Variants in CSMD1 observed in about 807,000 individuals in gnomAD.
CSMD1 encodes CUB and Sushi multiple domains 1, also known as CUB and sushi domain-containing protein 1.
CSMD1 carries 213 observed loss-of-function variants against 417.5 expected under a neutral mutation model. The ratio of observed to expected loss-of-function variants is 0.51; its 90% CI spans 0.46 to 0.57. The LOEUF (loss-of-function observed/expected upper bound fraction) is 0.57, where lower values mean the gene tolerates loss of function less well. Ranked by LOEUF, CSMD1 falls within the 20% of genes least tolerant of loss-of-function variation. The probability of loss-of-function intolerance (pLI) is 0.00; values close to 1 mark genes in which losing one functional copy is unlikely to be tolerated. For missense variants in CSMD1, 6,923 were observed against 4,529.7 expected, an observed-to-expected ratio of 1.53 and a Z score of -15.17; for synonymous variants, 2,862 against 1,736.8, an observed-to-expected ratio of 1.65 and a Z score of -16.11.
At chr8:4,525,679 C>T (rs1232572694) in intron 2 of CSMD1, among the ~76,000 whole-genome samples, 2 of 152,134 alleles carry the variant, frequency 1.3e-5, no homozygotes, top group African/African-American at 2.4e-5. Context: ...TTTGCACCAA[C>T]CTAAAAAATA....
intron 5 of CSMD1, among the ~76,000 whole-genome samples, chr8:3,893,474 G>C (rs899597397): frequency 6.6e-6 from 1 of 150,804 alleles, no homozygotes. Flanking sequence ...AAAGGATAAA[G>C]CAAAAGCAAA....
rs141166840 is a variant in CSMD1, at chr8:4,765,938, G to C, written c.86-128380C>G. ...AAAAGGGTTTGAAGAATCGAGCTTA[G>C]CTAATTCCACATAGTTTCCAAACAT... is the stretch of plus-strand genomic sequence containing the variant. On this transcript the variant is annotated intron_variant, in intron 1 of 69. Transcript: ENST00000635120. Among the ~76,000 whole-genome samples, 5 of 152,184 alleles carry C rather than the reference G, an allele frequency of 3.3e-5. No individual in the cohort carries two copies. In the South Asian group the frequency reaches 8.3e-4, roughly 25 times the overall value.
chr8:4,340,970 A>C (rs964486502), intron 3 of CSMD1, among the ~76,000 whole-genome samples: 1 of 152,086 alleles, frequency 6.6e-6, no homozygotes, highest in African/African-American at 2.4e-5. Context: ...GGTTTATTTC[A>C]AGCTGATGGA....
chr8:4,338,735 C>G (rs755878703), intron 3 of CSMD1, among the ~76,000 whole-genome samples: 6 of 151,910 alleles, frequency 3.9e-5, no homozygotes, highest in Non-Finnish European at 5.9e-5. Flanking sequence ...TTTTTTTCGC[C>G]TAATTCATAA....
At chr8:4,328,242 ATTTT>A (rs3067534) in intron 3 of CSMD1, among the ~76,000 whole-genome samples, 6,816 of 124,612 alleles carry the variant, frequency 0.055, 132 homozygotes, top group South Asian at 0.15. Context: ...ACTCAATACA[ATTTT>A]TTTTTTTTTT....
chr8:3,878,347 G>C (rs1365322135), intron 5 of CSMD1, among the ~76,000 whole-genome samples: 1 of 152,066 alleles, frequency 6.6e-6, no homozygotes, highest in South Asian at 2.1e-4. Flanking sequence ...TCTTACACGT[G>C]TATCTTCTTT....
intron 2 of CSMD1, among the ~76,000 whole-genome samples, chr8:4,440,135 G>C (rs532602693): frequency 6.6e-5 from 10 of 152,244 alleles, no homozygotes; most frequent in African/African-American, 9.6e-5. Context: ...TGCAGCTTTG[G>C]TGTAAATTTC....
intron 15 of CSMD1, among the ~76,000 whole-genome samples, chr8:3,405,626 A>G (rs1318171441): frequency 6.6e-6 from 1 of 151,406 alleles, no homozygotes; most frequent in Non-Finnish European, 1.5e-5. Context: ...GGGACCCCCA[A>G]TCCAATATGA....
intron 2 of CSMD1, among the ~76,000 whole-genome samples, chr8:4,571,156 G>T (rs562549381): frequency 1.3e-5 from 2 of 152,030 alleles, no homozygotes; most frequent in Non-Finnish European, 2.9e-5. Context: ...GTTCTGCTCT[G>T]ATCTTAGTTA....
intron 3 of CSMD1, among the ~76,000 whole-genome samples, chr8:4,110,319 C>T (rs945853230): frequency 2.0e-5 from 3 of 152,108 alleles, no homozygotes; most frequent in Non-Finnish European, 2.9e-5. Flanking sequence ...TTCCCAGGAA[C>T]TTGTGAATTT....
At chr8:4,974,515 T>C (rs1267849495) in intron 1 of CSMD1, among the ~76,000 whole-genome samples, 1 of 115,246 alleles carries the variant, frequency 8.7e-6, no homozygotes, top group Non-Finnish European at 2.1e-5. Flanking sequence ...GAAAATTATT[T>C]TTAACATAAT....
chr8:3,691,977 C>G (rs183717516), intron 7 of CSMD1, among the ~76,000 whole-genome samples: 7 of 152,290 alleles, frequency 4.6e-5, no homozygotes, highest in Non-Finnish European at 1.5e-5. Context: ...GAATGACGGT[C>G]TTTGTCCAGC....
At chr8:4,691,472 C>T (rs1306603832) in intron 1 of CSMD1, among the ~76,000 whole-genome samples, 1 of 152,176 alleles carries the variant, frequency 6.6e-6, no homozygotes, top group South Asian at 2.1e-4. Flanking sequence ...ATTGATGGAA[C>T]TCTCCGCCTG....
At chr8:4,775,693 G>T (rs1465011535) in intron 1 of CSMD1, among the ~76,000 whole-genome samples, 1 of 152,106 alleles carries the variant, frequency 6.6e-6, no homozygotes, top group Non-Finnish European at 1.5e-5. Flanking sequence ...CTGGACCAAG[G>T]CAGCGTCTGT....
chr8:3,227,346 C>T (rs1003155840), intron 27 of CSMD1, among the ~76,000 whole-genome samples: 4 of 151,786 alleles, frequency 2.6e-5, no homozygotes, highest in African/African-American at 4.8e-5. Flanking sequence ...TGCAGTGAGT[C>T]GAAATCATGC....
chr8:3,878,006 C>G (rs1805944901), intron 5 of CSMD1, among the ~76,000 whole-genome samples: 2 of 151,414 alleles, frequency 1.3e-5, no homozygotes, highest in Non-Finnish European at 1.5e-5. Flanking sequence ...AATGATAAAA[C>G]TTTCCAAAGA....
In CSMD1 at chr8:3,493,673, C is replaced by T; in HGVS notation, c.1398G>A (p.Leu466=). ...CCACCTTCCCAGCATCACCAACCGT[C>T]AGGGTGTCATAGCCTCGCTCCAGCT... The part of the protein sequence containing the change: ...EFELERGYDT[L]TVGDAGKVGD... The change falls in exon 11 of 70, where the codon CTG becomes CTA. Residue 466 remains leucine, a synonymous_variant. Transcript: ENST00000635120. 6.2e-7 allele frequency: 1 copy of T among 1,612,108 alleles called. No homozygotes were observed. Among genetic ancestry groups the T allele is most frequent in the East Asian group, 2.2e-5 (1 of 44,792 alleles).
intron 1 of CSMD1, among the ~76,000 whole-genome samples, chr8:4,784,887 T>G (rs1026065267): frequency 3.9e-5 from 6 of 152,198 alleles, no homozygotes; most frequent in Non-Finnish European, 5.9e-5. Flanking sequence ...TTCCAGCCCT[T>G]GAGCGAATCT....
At chr8:4,332,959 T>C (rs1176707648) in intron 3 of CSMD1, among the ~76,000 whole-genome samples, 2 of 109,324 alleles carry the variant, frequency 1.8e-5, no homozygotes, top group Non-Finnish European at 3.6e-5. Flanking sequence ...AAAAAAAAAC[T>C]AAGATTTCTG....
Sources: allele counts gnomAD v4.1 joint callset (sites outside exome capture counted in the v4.1 genomes callset), GRCh38; gene constraint gnomAD v4.1.1; transcripts MANE v1.5; gene names NCBI Gene and HGNC (gene_info 2026-07-23, HGNC 2026-07-21).